The following TUSC3 variants were observed in gnomAD, a reference collection of about 807,000 sequenced individuals.
The protein encoded by TUSC3 is tumor suppressor candidate 3.
Under a neutral mutation model 44.8 loss-of-function variants are expected in TUSC3, and 45 were observed. The ratio of observed to expected loss-of-function variants is 1.00; its 90% confidence interval spans 0.79 to 1.29. The LOEUF (loss-of-function observed/expected upper bound fraction) is 1.29, where lower values mean the gene tolerates loss of function less well. Among genes scored for constraint, TUSC3 ranks in the 50% most tolerant of loss-of-function variants. TUSC3 has a pLI of 0.00. For synonymous variants in TUSC3, 212 were observed against 152.9 expected, an observed-to-expected ratio of 1.39 and a Z score of -2.85; for missense variants, 519 against 437.9, an observed-to-expected ratio of 1.19 and a Z score of -1.65.
At chr8:15,767,133 A>G (rs558626437), downstream of TUSC3, among the ~76,000 whole-genome samples, 64 of 152,260 alleles carry the variant, frequency 4.2e-4, no homozygotes, top group African/African-American at 1.5e-3. Context: ...CAAAGGGTAC[A>G]AGTATGCATT....
chr8:15,714,639 A>G (rs879701691), intron 6 of TUSC3, among the ~76,000 whole-genome samples: 6 of 152,150 alleles, frequency 3.9e-5, no homozygotes, highest in African/African-American at 4.8e-5. Context: ...CCAAGGTTAT[A>G]CTTCTTTCTT....
At chr8:15,846,451 C>T in the TUSC3 span, among the ~76,000 whole-genome samples, 1 of 152,148 alleles carries the variant, frequency 6.6e-6, no homozygotes, top group South Asian at 2.1e-4. Context: ...TTCACAATAC[C>T]AAAGACTTAG....
At chr8:15,582,384 A>T (rs998098536) in intron 1 of TUSC3, among the ~76,000 whole-genome samples, 1 of 152,164 alleles carries the variant, frequency 6.6e-6, no homozygotes, top group Non-Finnish European at 1.5e-5. Context: ...ACTTAAACCA[A>T]TCTTTTATGA....
At chr8:15,751,249 T>A (rs562626604) in intron 9 of TUSC3, among the ~76,000 whole-genome samples, 2 of 152,096 alleles carry the variant, frequency 1.3e-5, no homozygotes, top group South Asian at 4.1e-4. Context: ...AGGAAGACAA[T>A]TAAAAAAAAA....
Position 15,623,131 on chromosome 8 carries a change from T to C in TUSC3, c.190T>C (p.Ser64Pro), listed in dbSNP as rs1433252198. 2 of 1,613,796 alleles carry C rather than the reference T, an allele frequency of 1.2e-6. No individual in the cohort carries two copies. Among genetic ancestry groups the C allele is most frequent in the Non-Finnish European group, 1.7e-6 (2 of 1,179,918 alleles). ...GCTGATGGAATGGAGTTCCAGACGC[T>C]CAATCTTCCGAATGAATGGTGATAA... ...EQLMEWSSRR[S>P]IFRMNGDKFR... Residue 64 changes from serine to proline, a missense_variant, in exon 2 of 11, where the codon TCA becomes CCA. Physicochemically the swap from Ser to Pro is moderately conservative, Grantham distance 74 (BLOSUM62 -1). Transcript: ENST00000503731.
intron 10 of TUSC3, among the ~76,000 whole-genome samples, chr8:15,758,708 T>C (rs1238470530): frequency 6.6e-6 from 1 of 151,992 alleles, no homozygotes; most frequent in African/African-American, 2.4e-5. Context: ...TCTAGTTTTA[T>C]TGTTCTTCTC....
chr8:15,582,227 A>G (rs1397927119), intron 1 of TUSC3, among the ~76,000 whole-genome samples: 1 of 152,108 alleles, frequency 6.6e-6, no homozygotes, highest in Non-Finnish European at 1.5e-5. Flanking sequence ...CTAGTGAGAG[A>G]AACCTGGTAC....
At chr8:15,735,998 G>T (rs1810922324) in intron 7 of TUSC3, among the ~76,000 whole-genome samples, 1 of 152,040 alleles carries the variant, frequency 6.6e-6, no homozygotes. Context: ...AAAGTGCTGG[G>T]ATTACAGGCA....
At chr8:15,681,400 G>C (rs1208825891) in intron 6 of TUSC3, among the ~76,000 whole-genome samples, 1 of 151,872 alleles carries the variant, frequency 6.6e-6, no homozygotes, top group Non-Finnish European at 1.5e-5. Flanking sequence ...TTCAGTCTTG[G>C]AAGAGTGTAT....
chr8:15,447,651 T>C (rs552089620), intron 1 of TUSC3, among the ~76,000 whole-genome samples: 9 of 151,906 alleles, frequency 5.9e-5, no homozygotes, highest in African/African-American at 2.2e-4. Context: ...TTCAGAACTA[T>C]AGGCTAATGA....
intron 1 of TUSC3, among the ~76,000 whole-genome samples, chr8:15,445,683 A>G (rs1800086947): frequency 6.6e-6 from 1 of 152,252 alleles, no homozygotes; most frequent in African/African-American, 2.4e-5. Flanking sequence ...TTTTCTTAGT[A>G]CAAAACAAAA....
At chr8:15,686,336 G>C (rs1030915598) in intron 6 of TUSC3, among the ~76,000 whole-genome samples, 1 of 151,982 alleles carries the variant, frequency 6.6e-6, no homozygotes, top group Non-Finnish European at 1.5e-5. Context: ...GCTACTGCTT[G>C]AGGATTGCTA....
chr8:15,461,890 T>TA (rs578177992), intron 1 of TUSC3, among the ~76,000 whole-genome samples: 1 of 151,938 alleles, frequency 6.6e-6, no homozygotes, highest in East Asian at 1.9e-4. Flanking sequence ...AAACTACGTA[T>TA]AAAAAAATAC....
intron 2 of TUSC3, among the ~76,000 whole-genome samples, chr8:15,625,504 C>T (rs1385983404): frequency 6.6e-6 from 1 of 152,144 alleles, no homozygotes; most frequent in Non-Finnish European, 1.5e-5. Context: ...ATTACATAAT[C>T]CATTTCCTCG....
intron 1 of TUSC3, among the ~76,000 whole-genome samples, chr8:15,549,582 A>C (rs904389196): frequency 6.6e-6 from 1 of 151,670 alleles, no homozygotes; most frequent in African/African-American, 2.4e-5. Context: ...TATTTTTAGA[A>C]TATTATATTT....
At chr8:15,570,041 G>A (rs567142471) in intron 1 of TUSC3, among the ~76,000 whole-genome samples, 2 of 151,894 alleles carry the variant, frequency 1.3e-5, no homozygotes, top group South Asian at 4.2e-4. Context: ...ATATATTGAT[G>A]GAAAATTTTG....
At chr8:15,596,128 TTAAG>T (rs749881520) in intron 1 of TUSC3, among the ~76,000 whole-genome samples, 16 of 152,218 alleles carry the variant, frequency 1.1e-4, no homozygotes, top group Non-Finnish European at 2.2e-4. Flanking sequence ...GTTAACAAAT[TTAAG>T]TATTCTTTCC....
intron 2 of TUSC3, among the ~76,000 whole-genome samples, chr8:15,503,482 T>C (rs1241505151): frequency 2.0e-5 from 3 of 152,098 alleles, no homozygotes; most frequent in Non-Finnish European, 2.9e-5. Context: ...TTCTCAATAA[T>C]ATGTATTTTC....
intron 4 of TUSC3, among the ~76,000 whole-genome samples, chr8:15,660,091 G>T (rs999896949): frequency 1.3e-5 from 2 of 152,134 alleles, no homozygotes; most frequent in African/African-American, 4.8e-5. Context: ...CTAATAGCAT[G>T]TGTCATGTCT....
Sources: allele counts gnomAD v4.1 joint callset (sites outside exome capture counted in the v4.1 genomes callset), GRCh38; gene constraint gnomAD v4.1.1; transcripts MANE v1.5; gene names NCBI Gene and HGNC (gene_info 2026-07-23, HGNC 2026-07-21).